Variants in RYR3 observed in about 807,000 individuals in gnomAD.
The protein encoded by RYR3 is brain ryanodine receptor-calcium release channel.
A neutral mutation model predicts 584.3 loss-of-function variants in RYR3; 207 were observed. The ratio of observed to expected loss-of-function variants is 0.35; its 90% CI spans 0.32 to 0.40. The LOEUF is 0.40. Ranked by LOEUF, RYR3 falls within the 10% of genes least tolerant of loss-of-function variation. The pLI, the probability that RYR3 is intolerant of heterozygous loss-of-function variation, is 1.00. For synonymous variants in RYR3, 2,416 were observed against 2,248.5 expected (o/e 1.07, Z -2.11); for missense variants, 5,616 against 6,089.2 (o/e 0.92, Z 2.59).
At chr15:33,498,537 G>A (rs945472392) in intron 2 of RYR3, among the ~76,000 whole-genome samples, 2 of 151,970 alleles carry the variant, frequency 1.3e-5, no homozygotes, top group Non-Finnish European at 2.9e-5. Flanking sequence ...TGGCGGGGTG[G>A]GGAGGGGGCT....
intron 18 of RYR3, among the ~76,000 whole-genome samples, chr15:33,606,760 CCTACACAGTATGTTACTGG>C (rs1367603063): frequency 6.6e-6 from 1 of 152,116 alleles, no homozygotes; most frequent in African/African-American, 2.4e-5. Flanking sequence ...CTCAGAGCAG[CCTACACAGTATGTTACTGG>C]CTGGGGGAAG....
Position 33,794,047 on chromosome 15 carries a change from T to C in RYR3, c.9830+5589T>C, listed in dbSNP as rs1276414243. Among the ~76,000 whole-genome samples the C allele has an allele frequency of 9.4e-5, 2 of 21,184 alleles. 1 individual carries two copies. Among genetic ancestry groups the C allele is most frequent in the Non-Finnish European group, 2.6e-4 (2 of 7,752 alleles). The allele number at this position is 21,184 out of a possible 152,430, so 13.9% of individuals were successfully genotyped here. ...ATATAAATATATACATAAATACATA[T>C]ATATAAATATATACATAAATAAATA... is the stretch of plus-strand genomic sequence containing the variant. On this transcript the variant is annotated intron_variant, in intron 67 of 103. Coordinates refer to ENST00000634891, the MANE Select transcript of RYR3 (RefSeq NM_001036.6).
chr15:33,796,255 C>T (rs1379407132), intron 67 of RYR3, among the ~76,000 whole-genome samples: 3 of 152,180 alleles, frequency 2.0e-5, no homozygotes, highest in Non-Finnish European at 2.9e-5. Context: ...CTGCCTCAGC[C>T]TCCCGAGTAG....
chr15:33,577,773 C>T (rs2058371476), intron 12 of RYR3, among the ~76,000 whole-genome samples: 1 of 152,042 alleles, frequency 6.6e-6, no homozygotes, highest in African/African-American at 2.4e-5. Context: ...CAAATGGGAT[C>T]CAATTAAACT....
chr15:33,828,597 A>C (rs559046494), intron 85 of RYR3, among the ~76,000 whole-genome samples: 2 of 152,226 alleles, frequency 1.3e-5, no homozygotes, highest in Non-Finnish European at 2.9e-5. Flanking sequence ...CAAACCAGCC[A>C]CAACATTCTC....
chr15:33,744,317 T>C (rs1434929709), intron 52 of RYR3, among the ~76,000 whole-genome samples: 1 of 152,230 alleles, frequency 6.6e-6, no homozygotes, highest in Non-Finnish European at 1.5e-5. Flanking sequence ...ACATTTATTC[T>C]ATTTATCAAT....
intron 42 of RYR3, 96 bp from the exon 43 acceptor site, chr15:33,706,823 C>T: frequency 8.0e-7 from 1 of 1,249,144 alleles, no homozygotes; most frequent in Non-Finnish European, 1.1e-6. Flanking sequence ...TCCAACTTCT[C>T]TACATCCTCA....
At chr15:33,750,733 TTTA>T (rs962507507) in intron 57 of RYR3, among the ~76,000 whole-genome samples, 1 of 150,920 alleles carries the variant, frequency 6.6e-6, no homozygotes, top group Non-Finnish European at 1.5e-5. Flanking sequence ...TAGATATTTT[TTTA>T]TTATTATTTA....
At chr15:33,727,101 C>G (rs1433093315) in intron 46 of RYR3, among the ~76,000 whole-genome samples, 3 of 152,188 alleles carry the variant, frequency 2.0e-5, no homozygotes, top group African/African-American at 7.2e-5. Flanking sequence ...CCCCTGGGTC[C>G]CCCAGCTTGT....
chr15:33,425,889 G>T (rs572804605), intron 1 of RYR3, among the ~76,000 whole-genome samples: 1 of 152,182 alleles, frequency 6.6e-6, no homozygotes, highest in Non-Finnish European at 1.5e-5. Flanking sequence ...TGATCCGCCC[G>T]CCTTGGCCTC....
intron 22 of RYR3, 29 bp downstream of exon 22, chr15:33,630,072 C>A (rs11632118): frequency 2.6e-5 from 33 of 1,271,382 alleles, no homozygotes; most frequent in Non-Finnish European, 3.7e-5. Context: ...TGAAGTTTTA[C>A]AAACAATGAA....
At chr15:33,777,004 C>G (rs1329745799) in intron 64 of RYR3, among the ~76,000 whole-genome samples, 1 of 152,140 alleles carries the variant, frequency 6.6e-6, no homozygotes, top group Non-Finnish European at 1.5e-5. Flanking sequence ...GCCTGGGCAA[C>G]CTGGCAAGAC....
rs752556324 is a variant in RYR3 at position 33,785,673 on chromosome 15, C to A, written c.9280C>A (p.Pro3094Thr). 6.3e-7 allele frequency: 1 copy of A among 1,592,616 alleles called. No individual in the cohort carries two copies. ...TTCCTCTCAATCAGTTCTGGGGATG[C>A]CAGACACGGTAGAAGACATGTGTCC... ...TPRERSILGM[P>T]DTVEDMCPDI... The change falls in exon 66 of 104, where the codon CCA becomes ACA. Residue 3094 changes from proline (P) to threonine (T), a missense_variant. By Grantham distance (38) the Pro-to-Thr change is conservative (BLOSUM62 -1). This residue lies in a region of RYR3 where 954 missense variants were observed against 1,132.2 expected (regional missense o/e 0.84). Coordinates refer to ENST00000634891, the MANE Select transcript of RYR3 (RefSeq NM_001036.6).
chr15:33,811,553 A>ATGTTTGTTTGTTTGTT (rs57062262), intron 72 of RYR3, among the ~76,000 whole-genome samples: 37 of 150,364 alleles, frequency 2.5e-4, no homozygotes, highest in African/African-American at 8.3e-4. Context: ...CCCTTAATGT[A>ATGTTTGTTTGTTTGTT]TGTTTGTTTG....
chr15:33,656,799 G>A (rs1010996781), intron 32 of RYR3, among the ~76,000 whole-genome samples: 1 of 152,032 alleles, frequency 6.6e-6, no homozygotes, highest in Non-Finnish European at 1.5e-5. Context: ...TTTACACGTG[G>A]CCCCCTCCAT....
At position 33,865,911 on chromosome 15, in the gene RYR3, G is replaced by GTAACAGCTGTCAGTCAACTGCTGT. The variant is rs1567379060; in HGVS notation, c.*688_*711dup. The GTAACAGCTGTCAGTCAACTGCTGT allele has an allele frequency of 1.3e-5, 2 of 152,510 alleles. No homozygotes were observed. Among genetic ancestry groups the GTAACAGCTGTCAGTCAACTGCTGT allele is most frequent in the African/African-American group, 4.8e-5 (2 of 41,400 alleles). 9.4% of individuals were successfully genotyped at this position (152,510 alleles called of 1,614,324 possible). A position where few individuals can be genotyped will look rare whatever the true frequency, so the allele number is the denominator to read the frequency against. ...AAGGTTATTCATACAAGTTTTTTTAGTAACAGCTGTCAGTCAACTGCTGTT... is the reference window on the plus strand; with the variant it reads ...AAGGTTATTCATACAAGTTTTTTTAGTAACAGCTGTCAGTCAACTGCTGTTAACAGCTGTCAGTCAACTGCTGTT... On this transcript the variant is annotated 3_prime_UTR_variant, in exon 104 of 104. Transcript: ENST00000634891.
chr15:33,629,892 C>A (rs369558026), intron 21 of RYR3, 48 bp from the exon 22 acceptor site: 1 of 1,046,588 alleles, frequency 9.6e-7, no homozygotes, highest in Non-Finnish European at 1.4e-6. Flanking sequence ...CCATGCAGTG[C>A]CAGCTGGTCA....
chr15:33,534,923 A>G (rs1306890219), intron 5 of RYR3, among the ~76,000 whole-genome samples: 3 of 152,224 alleles, frequency 2.0e-5, no homozygotes, highest in African/African-American at 7.2e-5. Context: ...ACCAAACAGG[A>G]TTCTTTGTTG....
intron 1 of RYR3, among the ~76,000 whole-genome samples, chr15:33,373,154 A>C (rs2040468535): frequency 6.6e-6 from 1 of 152,186 alleles, no homozygotes; most frequent in Non-Finnish European, 1.5e-5. Flanking sequence ...TCCTATTCTC[A>C]TTTGAATTTA....
Sources: gnomAD v4.1 joint callset for allele counts (sites outside exome capture counted in the v4.1 genomes callset) on GRCh38, gnomAD v4.1.1 for gene constraint, gnomAD v4.1.1 regional missense constraint, MANE v1.5 for transcripts, NCBI Gene and HGNC (gene_info 2026-07-23, HGNC 2026-07-21) for gene names.